GPC5: variants seen among roughly 807,000 people sequenced by gnomAD.
GPC5 encodes the protein glypican-5.
A neutral mutation model predicts 53.9 loss-of-function variants in GPC5; 47 were observed. The observed-to-expected ratio is 0.87, with a 90% CI of 0.69 to 1.11. The LOEUF is 1.11. Among genes scored for constraint, GPC5 ranks in the 50% most tolerant of loss-of-function variants. The pLI, the probability that GPC5 is intolerant of heterozygous loss-of-function variation, is 0.00. For synonymous variants in GPC5, 286 were observed against 263.3 expected (o/e 1.09, Z -0.84); for missense variants, 748 against 713.1 (o/e 1.05, Z -0.56).
chr13:91,678,231 A>C (rs2035427908), intron 2 of GPC5, among the ~76,000 whole-genome samples: 1 of 152,202 alleles, frequency 6.6e-6, no homozygotes, highest in Admixed American at 6.5e-5. Flanking sequence ...ACACTTGGCA[A>C]TACGATCTAG....
chr13:92,716,278 C>T (rs1888325151), intron 7 of GPC5, among the ~76,000 whole-genome samples: 1 of 152,056 alleles, frequency 6.6e-6, no homozygotes. Flanking sequence ...CATTTATATG[C>T]CAGCAACACA....
intron 7 of GPC5, among the ~76,000 whole-genome samples, chr13:92,191,753 G>T (rs1459038548): frequency 2.0e-5 from 3 of 152,160 alleles, no homozygotes; most frequent in Non-Finnish European, 4.4e-5. Context: ...AAAGAATGAA[G>T]CCAGTCTGGA....
intron 7 of GPC5, among the ~76,000 whole-genome samples, chr13:92,435,032 A>G (rs943075156): frequency 1.5e-4 from 23 of 152,252 alleles, no homozygotes; most frequent in African/African-American, 5.5e-4. Context: ...CTTCTGTCTC[A>G]TCCTCCTGAG....
chr13:92,138,830 C>G (rs1388609192), intron 6 of GPC5, among the ~76,000 whole-genome samples: 1 of 152,074 alleles, frequency 6.6e-6, no homozygotes. Context: ...GGAATATAAA[C>G]AGCCTATCCC....
chr13:92,254,709 A>C (rs2042715085), intron 7 of GPC5, among the ~76,000 whole-genome samples: 1 of 152,150 alleles, frequency 6.6e-6, no homozygotes, highest in Non-Finnish European at 1.5e-5. Flanking sequence ...GGGGAAGCAA[A>C]CACATCTTCC....
intron 7 of GPC5, among the ~76,000 whole-genome samples, chr13:92,667,793 G>T (rs1338192906): frequency 6.6e-6 from 1 of 152,126 alleles, no homozygotes; most frequent in Non-Finnish European, 1.5e-5. Flanking sequence ...TTCATGTGTT[G>T]AGCAGGATAT....
chr13:92,379,761 T>C (rs577664671), intron 7 of GPC5, among the ~76,000 whole-genome samples: 1 of 152,328 alleles, frequency 6.6e-6, no homozygotes, highest in South Asian at 2.1e-4. Flanking sequence ...ATTAGCACTA[T>C]TAGTTCCTCT....
chr13:91,450,183 T>C (rs1020021827), intron 2 of GPC5, among the ~76,000 whole-genome samples: 6 of 152,206 alleles, frequency 3.9e-5, no homozygotes, highest in Admixed American at 3.9e-4. Context: ...ATTTAGCTGC[T>C]TTTTTAGATG....
chr13:91,491,995 T>C (rs1359683072), intron 2 of GPC5, among the ~76,000 whole-genome samples: 5 of 152,240 alleles, frequency 3.3e-5, no homozygotes, highest in Admixed American at 6.5e-5. Context: ...CTCATGTCTG[T>C]TGAATACTTA....
chr13:91,645,870 A>C (rs1297182189), intron 2 of GPC5, among the ~76,000 whole-genome samples: 2 of 152,226 alleles, frequency 1.3e-5, no homozygotes, highest in Non-Finnish European at 2.9e-5. Context: ...ACTTCTGACA[A>C]GTCCTCTGGT....
chr13:91,534,409 T>TAA (rs1481187084), intron 2 of GPC5, among the ~76,000 whole-genome samples: 1 of 152,194 alleles, frequency 6.6e-6, no homozygotes, highest in African/African-American at 2.4e-5. Flanking sequence ...TTCACTTCTG[T>TAA]AAAAGAGAAA....
intron 2 of GPC5, among the ~76,000 whole-genome samples, chr13:91,460,146 T>A (rs1417369765): frequency 6.6e-6 from 1 of 152,170 alleles, no homozygotes; most frequent in African/African-American, 2.4e-5. Context: ...AGTAAAGTTC[T>A]ATGGTGAACT....
chr13:91,512,253 G>A (rs1885270462), intron 2 of GPC5, among the ~76,000 whole-genome samples: 1 of 152,178 alleles, frequency 6.6e-6, no homozygotes, highest in Non-Finnish European at 1.5e-5. Context: ...AGTGCAGCTG[G>A]TAGTATTTGG....
chr13:92,160,805 A>G (rs750707751), intron 7 of GPC5, among the ~76,000 whole-genome samples: 9 of 152,208 alleles, frequency 5.9e-5, no homozygotes, highest in Middle Eastern at 3.2e-3. Context: ...GGGACTGACA[A>G]TAAGAAGACG....
At chr13:91,524,054 T>A (rs564062657) in intron 2 of GPC5, among the ~76,000 whole-genome samples, 1 of 152,136 alleles carries the variant, frequency 6.6e-6, no homozygotes, top group African/African-American at 2.4e-5. Flanking sequence ...ATTTTTAAAG[T>A]CAAGGGAGAA....
chr13:92,041,983 G>A (rs763832864), intron 6 of GPC5, among the ~76,000 whole-genome samples: 10 of 152,250 alleles, frequency 6.6e-5, no homozygotes, highest in South Asian at 2.1e-4. Flanking sequence ...TGATAAGGGC[G>A]TCTCTACAGA....
intron 6 of GPC5, among the ~76,000 whole-genome samples, chr13:91,972,129 G>C (rs1204773914): frequency 2.6e-5 from 4 of 152,124 alleles, no homozygotes; most frequent in Admixed American, 6.5e-5. Context: ...CTAAGGACTT[G>C]CTTTATGAAT....
At chr13:92,110,303 C>T (rs2041546908) in intron 6 of GPC5, among the ~76,000 whole-genome samples, 1 of 152,152 alleles carries the variant, frequency 6.6e-6, no homozygotes, top group Non-Finnish European at 1.5e-5. Flanking sequence ...TTCTGCTTCC[C>T]TATGCTGAGA....
At chr13:92,446,324 C>T (rs1274201899) in intron 7 of GPC5, 1 of 151,278 alleles carries the variant, frequency 6.6e-6, no homozygotes, top group African/African-American at 2.4e-5. Context: ...ATTTTTAGCT[C>T]CCACAAATAA....
Sources: allele counts gnomAD v4.1 joint callset (sites outside exome capture counted in the v4.1 genomes callset), GRCh38; gene constraint gnomAD v4.1.1; transcripts MANE v1.5; gene names NCBI Gene and HGNC (gene_info 2026-07-23, HGNC 2026-07-21).